Variants in SHISA6 observed in about 807,000 individuals in gnomAD.
The protein encoded by SHISA6 is protein shisa-6.
In SHISA6, 22 loss-of-function variants were observed where a neutral mutation model predicts 47.9. The ratio of observed to expected loss-of-function variants is 0.46; its 90% CI spans 0.33 to 0.66. The LOEUF (loss-of-function observed/expected upper bound fraction) is 0.66, where lower values mean the gene tolerates loss of function less well. SHISA6 is among the 30% of genes least tolerant of loss of function. The pLI is 0.02. For missense variants in SHISA6, 680 were observed against 764.6 expected (o/e 0.89, Z 1.30); for synonymous variants, 388 against 337.8 (o/e 1.15, Z -1.63).
chr17:11,489,641 G>C (rs1389405024), intron 3 of SHISA6, among the ~76,000 whole-genome samples: 1 of 152,232 alleles, frequency 6.6e-6, no homozygotes, highest in African/African-American at 2.4e-5. Context: ...TGAAGACCAA[G>C]GCCAGCATGT....
chr17:11,342,860 G>T (rs2142214316), intron 2 of SHISA6, among the ~76,000 whole-genome samples: 1 of 152,282 alleles, frequency 6.6e-6, no homozygotes, highest in Middle Eastern at 3.4e-3. Flanking sequence ...CACTTCCTGT[G>T]GATTTTTCAA....
intron 3 of SHISA6, among the ~76,000 whole-genome samples, chr17:11,388,679 C>A (rs990912428): frequency 6.6e-6 from 1 of 150,768 alleles, no homozygotes; most frequent in Non-Finnish European, 1.5e-5. Flanking sequence ...AGAATCCAGT[C>A]AACCTCACAC....
chr17:11,281,142 G>A (rs1250986849), intron 2 of SHISA6, among the ~76,000 whole-genome samples: 1 of 152,026 alleles, frequency 6.6e-6, no homozygotes, highest in Non-Finnish European at 1.5e-5. Context: ...TTATTATTTA[G>A]ATGCCTTTTT....
At chr17:11,266,501 C>T (rs1362318288) in intron 2 of SHISA6, among the ~76,000 whole-genome samples, 1 of 152,128 alleles carries the variant, frequency 6.6e-6, no homozygotes, top group Non-Finnish European at 1.5e-5. Flanking sequence ...GCTTTTTGGC[C>T]CTGTCTCTTA....
chr17:11,441,227 C>T (rs1915085866), intron 3 of SHISA6, among the ~76,000 whole-genome samples: 2 of 152,232 alleles, frequency 1.3e-5, no homozygotes, highest in South Asian at 4.1e-4. Context: ...ACAGCCAACA[C>T]ATGGTAAACA....
chr17:11,436,380 A>G (rs1200006792), intron 3 of SHISA6, among the ~76,000 whole-genome samples: 1 of 152,192 alleles, frequency 6.6e-6, no homozygotes, highest in Admixed American at 6.5e-5. Flanking sequence ...AAGCAAACTA[A>G]TACAGACACT....
At chr17:11,347,655 TAAAGGAG>T (rs906836225) in intron 2 of SHISA6, among the ~76,000 whole-genome samples, 2 of 152,080 alleles carry the variant, frequency 1.3e-5, no homozygotes, top group African/African-American at 4.8e-5. Flanking sequence ...AACCTCACTA[TAAAGGAG>T]AAAGGAGGAG....
chr17:11,285,669 A>C (rs779465913), intron 2 of SHISA6, among the ~76,000 whole-genome samples: 6 of 152,134 alleles, frequency 3.9e-5, no homozygotes, highest in Non-Finnish European at 8.8e-5. Flanking sequence ...CTATGCGCCC[A>C]TGCTGCAGAG....
chr17:11,297,670 G>T (rs1909797389), intron 2 of SHISA6, among the ~76,000 whole-genome samples: 1 of 152,196 alleles, frequency 6.6e-6, no homozygotes, highest in Non-Finnish European at 1.5e-5. Flanking sequence ...TTTGTTCTTA[G>T]TATCTGTGTG....
At chr17:11,295,053 A>G (rs192219503) in intron 2 of SHISA6, among the ~76,000 whole-genome samples, 321 of 152,354 alleles carry the variant, frequency 2.1e-3, no homozygotes, top group African/African-American at 7.0e-3. Flanking sequence ...TATCCGGTAC[A>G]GTGTGAAAAT....
intron 3 of SHISA6, among the ~76,000 whole-genome samples, chr17:11,536,147 T>A (rs2071786317): frequency 6.6e-6 from 1 of 152,104 alleles, no homozygotes; most frequent in South Asian, 2.1e-4. Context: ...GTTGGTATTA[T>A]AATGGGAAGA....
intron 3 of SHISA6, among the ~76,000 whole-genome samples, chr17:11,423,215 A>ATGTG (rs140387181): frequency 0.014 from 1,906 of 135,692 alleles, 41 homozygotes; most frequent in African/African-American, 0.04. Context: ...ACATATATGT[A>ATGTG]TGTGTGTGTG....
rs998652786 is a variant in SHISA6, at chr17:11,557,999, C to T, written c.1351C>T (p.Arg451Cys). Residue 451 changes from arginine to cysteine, a missense_variant, in exon 6 of 6, where the codon CGC (arginine) becomes TGC (cysteine). Physicochemically the swap from Arg to Cys is radical, Grantham distance 180. Coordinates refer to ENST00000441885, the MANE Select transcript of SHISA6 (RefSeq NM_207386.4). Reference sequence around the variant, plus strand: ...CGACGAGCAGCTGCTCTCCACGGAGCGCCTGCACTCCCAGGACCCGCTGCT... The same window carrying T: ...CGACGAGCAGCTGCTCTCCACGGAGTGCCTGCACTCCCAGGACCCGCTGCT... ...LSDEQLLSTERLHSQDPLLSP... is the reference protein window; with the variant it reads ...LSDEQLLSTECLHSQDPLLSP... 3.9e-6 allele frequency: 6 copies of T among 1,551,394 alleles called. No homozygotes were observed. The highest frequency in any genetic ancestry group is 2.0e-5 in the Admixed American group (1 of 50,978).
chr17:11,457,246 A>ATC (rs1915565872), intron 3 of SHISA6, among the ~76,000 whole-genome samples: 1 of 152,122 alleles, frequency 6.6e-6, no homozygotes, highest in Non-Finnish European at 1.5e-5. Context: ...CCTGCCACTC[A>ATC]TCTCTACCCT....
intron 1 of SHISA6, among the ~76,000 whole-genome samples, chr17:11,252,400 G>C (rs928684580): frequency 2.0e-5 from 3 of 152,132 alleles, no homozygotes; most frequent in African/African-American, 7.2e-5. Flanking sequence ...TCCTCTTCTG[G>C]GAAGCGTGTT....
chr17:11,390,621 G>A (rs913700782), intron 3 of SHISA6, among the ~76,000 whole-genome samples: 3 of 152,068 alleles, frequency 2.0e-5, no homozygotes, highest in African/African-American at 7.2e-5. Context: ...TTTAATTTCA[G>A]TGAAGTCCCC....
chr17:11,333,233 C>T (rs914626620), intron 2 of SHISA6, among the ~76,000 whole-genome samples: 31 of 152,116 alleles, frequency 2.0e-4, no homozygotes, highest in African/African-American at 6.8e-4. Context: ...CCAGAGCCAG[C>T]GGGTTGAGAG....
At chr17:11,343,376 G>A (rs1027262897) in intron 2 of SHISA6, among the ~76,000 whole-genome samples, 2 of 152,180 alleles carry the variant, frequency 1.3e-5, no homozygotes, top group African/African-American at 2.4e-5. Flanking sequence ...TCAGGAAGCA[G>A]AGCCTGAAAC....
intron 2 of SHISA6, among the ~76,000 whole-genome samples, chr17:11,298,159 A>G (rs1015059728): frequency 6.6e-6 from 1 of 152,244 alleles, no homozygotes; most frequent in Non-Finnish European, 1.5e-5. Context: ...TAGTTCCTTG[A>G]TAAAGATCCC....
Sources: gnomAD v4.1 joint callset for allele counts (sites outside exome capture counted in the v4.1 genomes callset) on GRCh38, gnomAD v4.1.1 for gene constraint, MANE v1.5 for transcripts, NCBI Gene and HGNC (gene_info 2026-07-23, HGNC 2026-07-21) for gene names.